Variants in RALYL observed in about 807,000 individuals in gnomAD.
RALYL encodes RALY RNA binding protein like, also known as RNA-binding Raly-like protein.
RALYL carries 29 observed loss-of-function variants against 35.1 expected under a neutral mutation model. The ratio of observed to expected loss-of-function variants is 0.83; its 90% CI spans 0.61 to 1.13. RALYL has a LOEUF of 1.13. RALYL is among the 50% of genes most tolerant of loss of function. RALYL has a pLI of 0.00. For synonymous variants in RALYL, 120 were observed against 127.6 expected (o/e 0.94, Z 0.40); for missense variants, 359 against 360.4 (o/e 1.00, Z 0.03).
At chr8:84,887,881 T>C in intron 8 of RALYL, 105 bp downstream of exon 8, 1 of 1,002,700 alleles carries the variant, frequency 1.0e-6, no homozygotes, top group Non-Finnish European at 1.5e-6. Flanking sequence ...GGCTTATTTC[T>C]CTTATATGCA....
intron 1 of RALYL, among the ~76,000 whole-genome samples, chr8:84,367,340 T>TGTTTTTTTTTTG (rs1854642792): frequency 1.5e-5 from 1 of 66,910 alleles, no homozygotes; most frequent in Non-Finnish European, 2.6e-5. Flanking sequence ...TTTTTTTTTT[T>TGTTTTTTTTTTG]TTTTTTTTTT....
chr8:84,310,491 C>A (rs908032046), intron 1 of RALYL, among the ~76,000 whole-genome samples: 4 of 150,518 alleles, frequency 2.7e-5, no homozygotes, highest in African/African-American at 9.8e-5. Flanking sequence ...GGCAATAAAT[C>A]CGAAAAGAAA....
chr8:84,613,354 C>T (rs574053166), intron 2 of RALYL, among the ~76,000 whole-genome samples: 29 of 151,616 alleles, frequency 1.9e-4, no homozygotes, highest in South Asian at 4.1e-4. Context: ...ATAATTGATG[C>T]TAAACATAAT....
At chr8:84,873,464 G>GT in intron 7 of RALYL, 67 bp downstream of exon 7, 1 of 937,178 alleles carries the variant, frequency 1.1e-6, no homozygotes, top group East Asian at 2.6e-5. Context: ...CACAGAAGCA[G>GT]TACAGGGCCA....
intron 8 of RALYL, among the ~76,000 whole-genome samples, chr8:84,889,797 G>A (rs1222352938): frequency 2.6e-5 from 4 of 151,906 alleles, no homozygotes; most frequent in Non-Finnish European, 5.9e-5. Flanking sequence ...AAACAGCATC[G>A]CCATTCACAT....
chr8:84,222,916 G>A (rs556633396), intron 1 of RALYL, among the ~76,000 whole-genome samples: 1 of 152,264 alleles, frequency 6.6e-6, no homozygotes, highest in African/African-American at 2.4e-5. Context: ...AGGAATCCAA[G>A]TACCAGAGGA....
chr8:84,393,767 T>C (rs1229848801), intron 1 of RALYL, among the ~76,000 whole-genome samples: 1 of 152,108 alleles, frequency 6.6e-6, no homozygotes, highest in Non-Finnish European at 1.5e-5. Context: ...TATCTGGGAA[T>C]TTATTAAACC....
At chr8:84,348,423 C>T (rs1337586807) in intron 1 of RALYL, among the ~76,000 whole-genome samples, 2 of 152,078 alleles carry the variant, frequency 1.3e-5, no homozygotes, top group African/African-American at 4.8e-5. Context: ...CAAGAGCTCA[C>T]TGCATGTCCC....
chr8:84,262,239 G>A (rs940757746), intron 1 of RALYL, among the ~76,000 whole-genome samples: 3 of 152,048 alleles, frequency 2.0e-5, no homozygotes, highest in Admixed American at 6.6e-5. Context: ...GTTATTTCAC[G>A]AGTGGAAAAA....
chr8:84,527,415 C>T (rs923690120), intron 1 of RALYL, among the ~76,000 whole-genome samples: 1 of 152,164 alleles, frequency 6.6e-6, no homozygotes, highest in African/African-American at 2.4e-5. Flanking sequence ...TCTAGCAATT[C>T]TTGTGTTTGC....
intron 1 of RALYL, among the ~76,000 whole-genome samples, chr8:84,420,646 C>A (rs1180001892): frequency 7.6e-6 from 1 of 130,814 alleles, no homozygotes; most frequent in Non-Finnish European, 1.6e-5. Context: ...AATGGTAATG[C>A]CTAGGTTTTC....
intron 1 of RALYL, among the ~76,000 whole-genome samples, chr8:84,341,125 C>G (rs1452088000): frequency 1.4e-5 from 2 of 141,924 alleles, no homozygotes; most frequent in Admixed American, 7.0e-5. Flanking sequence ...GGAGAAATGT[C>G]TATTCCAGTT....
chr8:84,787,919 C>T (rs1819919134), intron 3 of RALYL, among the ~76,000 whole-genome samples: 1 of 152,054 alleles, frequency 6.6e-6, no homozygotes, highest in Non-Finnish European at 1.5e-5. Flanking sequence ...TGGATATTAG[C>T]CCATTGTCAG....
intron 3 of RALYL, among the ~76,000 whole-genome samples, chr8:84,790,753 G>GA (rs1194957962): frequency 1.3e-5 from 2 of 151,824 alleles, no homozygotes; most frequent in African/African-American, 2.4e-5. Flanking sequence ...AAGATTCATG[G>GA]AAAAAAAAGA....
At chr8:84,418,766 A>G (rs1363309723) in intron 1 of RALYL, among the ~76,000 whole-genome samples, 3 of 151,548 alleles carry the variant, frequency 2.0e-5, no homozygotes, top group African/African-American at 7.3e-5. Context: ...TACATGCAAT[A>G]CCATTAGTTT....
intron 8 of RALYL, among the ~76,000 whole-genome samples, chr8:84,914,036 G>A (rs934760058): frequency 4.6e-5 from 7 of 151,966 alleles, no homozygotes; most frequent in African/African-American, 1.7e-4. Context: ...GAATAATTAT[G>A]AGTTAACTAT....
At chr8:84,365,042 C>A (rs146427684) in intron 1 of RALYL, among the ~76,000 whole-genome samples, 59 of 151,970 alleles carry the variant, frequency 3.9e-4, no homozygotes, top group African/African-American at 1.1e-3. Flanking sequence ...GTCAACAAAG[C>A]AAGAATGACA....
intron 5 of RALYL, among the ~76,000 whole-genome samples, chr8:84,852,386 G>A (rs188708901): frequency 6.2e-4 from 94 of 152,158 alleles, no homozygotes; most frequent in Middle Eastern, 3.4e-3. Context: ...TAAAAGTGAT[G>A]CAAACATCTG....
chr8:84,260,896 T>C (rs1170522703), intron 1 of RALYL, among the ~76,000 whole-genome samples: 2 of 152,238 alleles, frequency 1.3e-5, no homozygotes, highest in South Asian at 2.1e-4. Context: ...ATTCTGTTGT[T>C]ACAGTTATGC....
Sources: allele counts gnomAD v4.1 joint callset (sites outside exome capture counted in the v4.1 genomes callset), GRCh38; gene constraint gnomAD v4.1.1; transcripts MANE v1.5; gene names NCBI Gene and HGNC (gene_info 2026-07-23, HGNC 2026-07-21).